The following AOPEP variants were observed in gnomAD, a reference collection of about 807,000 sequenced individuals.
The protein encoded by AOPEP is aminopeptidase O (putative).
In AOPEP, 77 loss-of-function variants were observed where a neutral mutation model predicts 98.1. The observed-to-expected ratio is 0.78, with a 90% CI of 0.65 to 0.95. The LOEUF (loss-of-function observed/expected upper bound fraction) is 0.95, where lower values mean the gene tolerates loss of function less well. Among genes scored for constraint, AOPEP ranks in the 40% least tolerant of loss-of-function variants. The pLI, the probability that AOPEP is intolerant of heterozygous loss-of-function variation, is 0.00. For synonymous variants in AOPEP, 346 were observed against 365.3 expected (o/e 0.95, Z 0.60); for missense variants, 1,024 against 1,024.7 (o/e 1.00, Z 0.01).
chr9:94,773,093 A>G lies in AOPEP; in HGVS notation c.889A>G (p.Thr297Ala). ...CGTTGCCATGTCAACATGGCAGGCT[A>G]CAGTTCGAGCAGCTGCATCTTTTGT... is the stretch of plus-strand genomic sequence containing the variant. ...PPVAMSTWQA[T>A]VRAAASFVVL... The change falls in exon 3 of 17, where the codon ACA becomes GCA. Residue 297 changes from threonine to alanine, a missense_variant. By Grantham distance (58) the Thr-to-Ala change is moderately conservative (BLOSUM62 0). Around this residue, in one of 3 missense-constraint regions of AOPEP, gnomAD observed 440 missense variants for 433.8 expected, o/e 1.01. Coordinates refer to ENST00000375315, the MANE Select transcript of AOPEP (RefSeq NM_001193329.3). The G allele has an allele frequency of 1.2e-6, 2 of 1,614,142 alleles. No individual in the cohort carries two copies. Among genetic ancestry groups the G allele is most frequent in the Admixed American group, 1.7e-5 (1 of 60,018 alleles).
intron 14 of AOPEP, among the ~76,000 whole-genome samples, chr9:95,077,869 T>C (rs1202224752): frequency 6.6e-6 from 1 of 152,192 alleles, no homozygotes; most frequent in Non-Finnish European, 1.5e-5. Flanking sequence ...AAGGATTTTC[T>C]TTGTTTCTCA....
At chr9:94,854,606 G>T (rs1431636083) in intron 5 of AOPEP, among the ~76,000 whole-genome samples, 1 of 152,146 alleles carries the variant, frequency 6.6e-6, no homozygotes, top group Non-Finnish European at 1.5e-5. Context: ...AAGAACTAAT[G>T]ACATACTATA....
intron 11 of AOPEP, among the ~76,000 whole-genome samples, chr9:94,982,514 GATAT>G (rs1436162198): frequency 6.7e-6 from 1 of 148,612 alleles, no homozygotes; most frequent in Non-Finnish European, 1.5e-5. Flanking sequence ...TTCATTTAAG[GATAT>G]ACACTGAGTA....
intron 3 of AOPEP, among the ~76,000 whole-genome samples, chr9:94,780,513 TC>T (rs1843019943): frequency 6.6e-6 from 1 of 152,186 alleles, no homozygotes; most frequent in Non-Finnish European, 1.5e-5. Flanking sequence ...ATAAAAGAAC[TC>T]TATGCTTAAT....
intron 13 of AOPEP, among the ~76,000 whole-genome samples, chr9:95,043,471 A>G (rs1027198576): frequency 2.0e-5 from 3 of 152,288 alleles, no homozygotes; most frequent in African/African-American, 4.8e-5. Flanking sequence ...TGGCATTTCT[A>G]TTTAAAAGAA....
the AOPEP span, chr9:95,124,948 G>C: frequency 1.3e-6 from 1 of 748,924 alleles, no homozygotes; most frequent in Admixed American, 2.0e-5. Context: ...AACCTTTGTT[G>C]GGGCACTCAT....
the AOPEP span, among the ~76,000 whole-genome samples, chr9:95,108,597 C>CTAAG: frequency 5.9e-5 from 9 of 152,150 alleles, no homozygotes; most frequent in Middle Eastern, 3.2e-3. Flanking sequence ...TAAACATGTC[C>CTAAG]TAAGTTTTTC....
Position 94,801,070 on chromosome 9 carries a change from C to T in AOPEP, c.1364+68C>T. On this transcript the variant is annotated intron_variant, in intron 5 of 16. Transcript: ENST00000375315. ...AAATTCTTTGACTATGTCTTGCTTT[C>T]CTTGAGCTCTGTCAGAGCAGTCATT... The T allele has an allele frequency of 2.6e-6, 4 of 1,559,872 alleles. 1 individual carries two copies. Among genetic ancestry groups the T allele is most frequent in the Middle Eastern group, 1.7e-4 (1 of 5,916 alleles).
chr9:94,843,514 C>T (rs1054549526), intron 5 of AOPEP, among the ~76,000 whole-genome samples: 3 of 152,190 alleles, frequency 2.0e-5, no homozygotes, highest in African/African-American at 7.2e-5. Context: ...CAGTGCTGGG[C>T]ACAGTGTCTG....
chr9:94,825,347 C>T (rs573620179), intron 5 of AOPEP, among the ~76,000 whole-genome samples: 2 of 152,334 alleles, frequency 1.3e-5, no homozygotes, highest in East Asian at 3.9e-4. Context: ...CCTTCTCTCC[C>T]CTTGAGAGGG....
the AOPEP span, among the ~76,000 whole-genome samples, chr9:95,105,638 C>T: frequency 1.3e-5 from 2 of 152,160 alleles, no homozygotes; most frequent in Non-Finnish European, 2.9e-5. Flanking sequence ...TCCATGATCC[C>T]CACACTGACT....
chr9:94,998,941 AGTATT>A (rs1421857203), intron 11 of AOPEP, among the ~76,000 whole-genome samples: 1 of 152,216 alleles, frequency 6.6e-6, no homozygotes, highest in Non-Finnish European at 1.5e-5. Context: ...ATGTCTGTAT[AGTATT>A]ATATCTGCGT....
At chr9:94,769,245 T>TA (rs1056907263) in intron 2 of AOPEP, among the ~76,000 whole-genome samples, 3 of 152,212 alleles carry the variant, frequency 2.0e-5, no homozygotes, top group African/African-American at 7.2e-5. Flanking sequence ...TTCACACTGC[T>TA]AAAATGTAGC....
chr9:95,088,417 C>G (rs1156382977), downstream of AOPEP, among the ~76,000 whole-genome samples: 1 of 152,170 alleles, frequency 6.6e-6, no homozygotes, highest in Non-Finnish European at 1.5e-5. Flanking sequence ...CCACGTTGGT[C>G]AGGCTGGTCT....
intron 13 of AOPEP, among the ~76,000 whole-genome samples, chr9:95,040,489 C>T (rs550602218): frequency 1.1e-4 from 16 of 152,332 alleles, no homozygotes; most frequent in Admixed American, 2.6e-4. Context: ...TCTGAAGGAA[C>T]GGCATTGAGG....
At chr9:94,894,352 C>A (rs994052065) in intron 5 of AOPEP, among the ~76,000 whole-genome samples, 5 of 152,028 alleles carry the variant, frequency 3.3e-5, no homozygotes, top group Non-Finnish European at 7.4e-5. Flanking sequence ...ACTCACTAAT[C>A]CAGAGGATTA....
intron 5 of AOPEP, 134 bp downstream of exon 5, chr9:94,801,136 T>A: frequency 9.6e-7 from 1 of 1,038,938 alleles, no homozygotes; most frequent in South Asian, 1.5e-5. Context: ...TGCTTGGACA[T>A]CTCATTGCTG....
chr9:94,908,146 C>T (rs994960670), intron 5 of AOPEP, among the ~76,000 whole-genome samples: 4 of 152,170 alleles, frequency 2.6e-5, no homozygotes, highest in Admixed American at 1.3e-4. Context: ...GGTTTTTTGA[C>T]GTCAGTTGCC....
intron 16 of AOPEP, chr9:95,086,478 G>A (rs1009802811): frequency 5.1e-6 from 5 of 985,272 alleles, no homozygotes; most frequent in Non-Finnish European, 3.6e-6. Context: ...ACAGCCTGCT[G>A]GTGTCATGGC....
Sources: gnomAD v4.1 joint callset for allele counts (sites outside exome capture counted in the v4.1 genomes callset) on GRCh38, gnomAD v4.1.1 for gene constraint, gnomAD v4.1.1 regional missense constraint, MANE v1.5 for transcripts, NCBI Gene and HGNC (gene_info 2026-07-23, HGNC 2026-07-21) for gene names.